CDH7: variants seen among roughly 807,000 people sequenced by gnomAD.
CDH7 encodes cadherin-7.
Under a neutral mutation model 71.8 loss-of-function variants are expected in CDH7, and 25 were observed. The ratio of observed to expected loss-of-function variants is 0.35; its 90% CI spans 0.25 to 0.49. CDH7 has a LOEUF of 0.49. Among genes scored for constraint, CDH7 ranks in the 20% least tolerant of loss-of-function variants. The probability of loss-of-function intolerance (pLI) is 0.99; values close to 1 mark genes in which losing one functional copy is unlikely to be tolerated. For synonymous variants in CDH7, 381 were observed against 363.8 expected (o/e 1.05, Z -0.54); for missense variants, 862 against 974.6 (o/e 0.88, Z 1.54).
chr18:65,777,655 T>G (rs1909999515), intron 2 of CDH7, among the ~76,000 whole-genome samples: 2 of 152,154 alleles, frequency 1.3e-5, no homozygotes, highest in Admixed American at 6.6e-5. Flanking sequence ...TAGGAATGCA[T>G]GCTCTCCTCC....
chr18:65,799,448 T>C (rs1224902727), intron 2 of CDH7, among the ~76,000 whole-genome samples: 6 of 151,832 alleles, frequency 4.0e-5, no homozygotes, highest in Admixed American at 6.6e-5. Context: ...GAGGCCGAGG[T>C]GGGCGGATCA....
intron 2 of CDH7, among the ~76,000 whole-genome samples, chr18:65,765,177 T>A (rs995359819): frequency 2.6e-5 from 4 of 152,008 alleles, no homozygotes; most frequent in Non-Finnish European, 5.9e-5. Flanking sequence ...TTTAATTTTT[T>A]AAAAAATTGA....
intron 2 of CDH7, among the ~76,000 whole-genome samples, chr18:65,782,004 TTCTCTCTTTCTCTCTCTCTTTCTC>T (rs1910278114): frequency 1.7e-5 from 1 of 57,936 alleles, no homozygotes; most frequent in African/African-American, 1.5e-4. Context: ...CTTTCTCTCT[TTCTCTCTTTCTCTCTCTCTTTCTC>T]CCTTCCTTCC....
In CDH7 at chr18:65,797,281, G is replaced by A. The variant is rs934852925; in HGVS notation, c.211-12423G>A. 4.6e-5 allele frequency among the ~76,000 whole-genome samples: 7 copies of A among 152,236 alleles called. No homozygotes were observed. The South Asian group carries it at 1.0e-3, about 23-fold the overall frequency. ...CATCAGCCTAATTATTGACTTTATTGTGGTCTTTGCCTGTTTCTTCCACCT... is the reference window on the plus strand; with the variant it reads ...CATCAGCCTAATTATTGACTTTATTATGGTCTTTGCCTGTTTCTTCCACCT... On this transcript the variant is annotated intron_variant, in intron 2 of 11. Coordinates refer to ENST00000397968, the MANE Select transcript of CDH7 (RefSeq NM_004361.5).
chr18:65,778,271 CAAAAAAAAAAAAA>C (rs148841669), intron 2 of CDH7, among the ~76,000 whole-genome samples: 2 of 84,332 alleles, frequency 2.4e-5, no homozygotes, highest in East Asian at 4.1e-4. Context: ...GACTCTGTCT[CAAAAAAAAAAAAA>C]AAAAAAAAAA....
chr18:65,818,150 GCAATT>G (rs1911786536), intron 4 of CDH7, among the ~76,000 whole-genome samples: 2 of 152,172 alleles, frequency 1.3e-5, no homozygotes, highest in Non-Finnish European at 2.9e-5. Flanking sequence ...TTTTCACAAT[GCAATT>G]CAAGTCTCAA....
chr18:65,786,708 A>G (rs2143847111), intron 2 of CDH7, among the ~76,000 whole-genome samples: 1 of 152,100 alleles, frequency 6.6e-6, no homozygotes, highest in East Asian at 1.9e-4. Flanking sequence ...CTTTGAGATA[A>G]GATCTTGCTT....
rs1042847596 is a variant in CDH7 at position 65,851,518 on chromosome 18, A to G, written c.1236-6298A>G. Among the ~76,000 whole-genome samples, 7 of 152,176 alleles carry G rather than the reference A, an allele frequency of 4.6e-5. No homozygotes were observed. In the East Asian group the frequency reaches 1.4e-3, roughly 29 times the overall value. ...GCTACCTGTGAATATAAAGAAGAAC[A>G]TTTTAATTGATCTCTTTAGCTCATC... is the stretch of plus-strand genomic sequence containing the variant. On this transcript the variant is annotated intron_variant, in intron 7 of 11. Transcript: ENST00000397968.
chr18:65,872,076 G>T (rs1282691053), intron 11 of CDH7, among the ~76,000 whole-genome samples: 1 of 152,122 alleles, frequency 6.6e-6, no homozygotes, highest in Admixed American at 6.6e-5. Context: ...TGGTTTGAAA[G>T]AAGAAAATAA....
chr18:65,805,961 G>A (rs1377973891), intron 2 of CDH7, among the ~76,000 whole-genome samples: 3 of 152,102 alleles, frequency 2.0e-5, no homozygotes, highest in African/African-American at 4.8e-5. Context: ...AAGGTTTGAA[G>A]ATTCTAAACT....
rs1029940153 is a variant in CDH7, at chr18:65,884,191, A to G, written c.*3297A>G. 1 of 152,190 alleles carries G rather than the reference A, an allele frequency of 6.6e-6. No homozygotes were observed. Among genetic ancestry groups the G allele is most frequent in the Non-Finnish European group, 1.5e-5 (1 of 68,006 alleles). 9.4% of individuals were successfully genotyped at this position (152,190 alleles called of 1,614,324 possible). ...AATATAAAAATCAAATCTTAAGGAA[A>G]TGGATTTCTGGAGATCAAGCCTAAA... is the stretch of plus-strand genomic sequence containing the variant. On this transcript the variant is annotated 3_prime_UTR_variant, in exon 12 of 12. Coordinates refer to ENST00000397968, the MANE Select transcript of CDH7 (RefSeq NM_004361.5).
intron 2 of CDH7, among the ~76,000 whole-genome samples, chr18:65,783,296 G>A (rs919448368): frequency 1.6e-4 from 24 of 151,978 alleles, no homozygotes; most frequent in African/African-American, 5.8e-4. Context: ...AATAATAAAA[G>A]GTAAATTAAC....
chr18:65,771,475 A>G (rs1916539685), intron 2 of CDH7, among the ~76,000 whole-genome samples: 1 of 151,896 alleles, frequency 6.6e-6, no homozygotes, highest in Non-Finnish European at 1.5e-5. Context: ...CCCCATCTCT[A>G]CTAAAAAAAT....
intron 2 of CDH7, among the ~76,000 whole-genome samples, chr18:65,780,214 A>C (rs1598998482): frequency 8.4e-6 from 1 of 118,520 alleles, no homozygotes; most frequent in Non-Finnish European, 1.7e-5. Flanking sequence ...GCCCTTTGTC[A>C]GATGAGTAGG....
chr18:65,862,525 A>G, intron 10 of CDH7, 141 bp from the exon 11 acceptor site: 1 of 778,978 alleles, frequency 1.3e-6, no homozygotes, highest in Non-Finnish European at 2.1e-6. Flanking sequence ...AGAGAATTGA[A>G]AGAAAATTGT....
At chr18:65,812,099 G>C (rs1348905708) in intron 3 of CDH7, among the ~76,000 whole-genome samples, 1 of 150,278 alleles carries the variant, frequency 6.7e-6, no homozygotes, top group African/African-American at 2.4e-5. Flanking sequence ...CTCCCGAGTA[G>C]CTGGGACTAC....
intron 2 of CDH7, among the ~76,000 whole-genome samples, chr18:65,802,288 A>G (rs1295187276): frequency 6.6e-6 from 1 of 152,228 alleles, no homozygotes; most frequent in Non-Finnish European, 1.5e-5. Flanking sequence ...GTAAAATGCA[A>G]TAAAAATAAA....
chr18:65,810,723 G>A (rs957729637), intron 3 of CDH7, among the ~76,000 whole-genome samples: 3 of 151,958 alleles, frequency 2.0e-5, no homozygotes, highest in African/African-American at 4.8e-5. Flanking sequence ...CCTCCAACAG[G>A]CCCCAGTGTG....
At chr18:65,858,081 C>A in intron 8 of CDH7, 129 bp downstream of exon 8, 2 of 746,940 alleles carry the variant, frequency 2.7e-6, no homozygotes, top group Non-Finnish European at 4.1e-6. Context: ...TTGAGAATAC[C>A]AAATTTCTAA....
Sources: gnomAD v4.1 joint callset for allele counts (sites outside exome capture counted in the v4.1 genomes callset) on GRCh38, gnomAD v4.1.1 for gene constraint, MANE v1.5 for transcripts, NCBI Gene and HGNC (gene_info 2026-07-23, HGNC 2026-07-21) for gene names.